CADM2: variants seen among roughly 807,000 people sequenced by gnomAD.
CADM2 encodes cell adhesion molecule 2.
In CADM2, 12 loss-of-function variants were observed where a neutral mutation model predicts 49.8. That is an observed-to-expected ratio of 0.24 (90% CI 0.15 to 0.39). The LOEUF (loss-of-function observed/expected upper bound fraction) is 0.39, where lower values mean the gene tolerates loss of function less well. CADM2 is among the 10% of genes least tolerant of loss of function. CADM2 has a pLI of 1.00. For missense variants in CADM2, 378 were observed against 492.3 expected, an observed-to-expected ratio of 0.77 and a Z score of 2.20; for synonymous variants, 214 against 175.4, an observed-to-expected ratio of 1.22 and a Z score of -1.74.
intron 1 of CADM2, among the ~76,000 whole-genome samples, chr3:85,681,086 T>C (rs2066028349): frequency 6.6e-6 from 1 of 152,146 alleles, no homozygotes; most frequent in African/African-American, 2.4e-5. Context: ...ACAACTCCTG[T>C]AAATAAATAC....
At chr3:85,397,284 G>A (rs906920037) in intron 1 of CADM2, among the ~76,000 whole-genome samples, 1 of 152,142 alleles carries the variant, frequency 6.6e-6, no homozygotes, top group African/African-American at 2.4e-5. Context: ...ATGAGGACAA[G>A]TTGAAATCTG....
chr3:86,033,045 T>C (rs1271148724), intron 8 of CADM2, among the ~76,000 whole-genome samples: 1 of 151,828 alleles, frequency 6.6e-6, no homozygotes, highest in Non-Finnish European at 1.5e-5. Flanking sequence ...AAATTTCCTC[T>C]TTTGGCTCCT....
intron 1 of CADM2, among the ~76,000 whole-genome samples, chr3:85,543,257 A>T (rs1434182192): frequency 1.2e-4 from 5 of 40,866 alleles, no homozygotes; most frequent in South Asian, 7.9e-4. Flanking sequence ...TTTATTTTTT[A>T]TTTTTATTTT....
At chr3:85,998,633 A>G (rs1234808875) in intron 8 of CADM2, among the ~76,000 whole-genome samples, 2 of 152,140 alleles carry the variant, frequency 1.3e-5, no homozygotes, top group South Asian at 2.1e-4. Context: ...ATAGTAGGTC[A>G]CACTCAAAAG....
intron 1 of CADM2, among the ~76,000 whole-genome samples, chr3:84,970,198 A>T (rs1221236041): frequency 2.6e-5 from 4 of 151,288 alleles, no homozygotes; most frequent in Admixed American, 6.6e-5. Flanking sequence ...TCTAAATGTT[A>T]GTCTATTTGT....
chr3:85,883,189 G>A (rs1713065327), intron 3 of CADM2, 102 bp from the exon 4 acceptor site: 3 of 843,162 alleles, frequency 3.6e-6, no homozygotes, highest in Middle Eastern at 3.6e-4. Flanking sequence ...TGAATGTATG[G>A]CCAAAGAAAA....
intron 7 of CADM2, among the ~76,000 whole-genome samples, chr3:85,960,576 G>T (rs1016285266): frequency 1.3e-5 from 2 of 151,880 alleles, no homozygotes; most frequent in African/African-American, 4.8e-5. Context: ...GTTCTTTTGA[G>T]AATTACAGAA....
At chr3:85,735,718 G>T (rs1294690863) in intron 2 of CADM2, among the ~76,000 whole-genome samples, 1 of 152,096 alleles carries the variant, frequency 6.6e-6, no homozygotes, top group African/African-American at 2.4e-5. Context: ...ACATGATATA[G>T]AGAATGGAGT....
At chr3:85,732,658 T>C (rs1235234522) in intron 2 of CADM2, among the ~76,000 whole-genome samples, 1 of 152,218 alleles carries the variant, frequency 6.6e-6, no homozygotes, top group African/African-American at 2.4e-5. Context: ...ATGATAATTA[T>C]AACAGCTAAT....
At chr3:85,429,506 G>A (rs1357451545) in intron 1 of CADM2, among the ~76,000 whole-genome samples, 1 of 151,978 alleles carries the variant, frequency 6.6e-6, no homozygotes, top group Non-Finnish European at 1.5e-5. Context: ...GATAAGCCAT[G>A]TTAACTTTTT....
At chr3:85,321,888 G>T (rs561488420) in intron 1 of CADM2, among the ~76,000 whole-genome samples, 1 of 152,138 alleles carries the variant, frequency 6.6e-6, no homozygotes, top group Non-Finnish European at 1.5e-5. Flanking sequence ...ATATTTTTAT[G>T]TTTATAGTAT....
Position 85,327,596 on chromosome 3 carries a change from C to T in CADM2, c.61+367928C>T, listed in dbSNP as rs1158254488. On this transcript the variant is annotated intron_variant, in intron 1 of 9. Transcript: ENST00000383699. The stretch of plus-strand genomic sequence containing the variant: ...CACACACACACACACACACCACACA[C>T]ACACACACATAAACTATATGTGTAT... 3.4e-5 allele frequency among the ~76,000 whole-genome samples: 5 copies of T among 145,556 alleles called. No homozygotes were observed. In the East Asian group the frequency reaches 1.0e-3, roughly 29 times the overall value.
chr3:85,837,006 A>C (rs1327091282), intron 3 of CADM2, among the ~76,000 whole-genome samples: 3 of 151,612 alleles, frequency 2.0e-5, no homozygotes, highest in African/African-American at 7.3e-5. Context: ...GTAGTTGTAA[A>C]AATGAAGATC....
intron 1 of CADM2, among the ~76,000 whole-genome samples, chr3:85,444,086 A>G (rs980116085): frequency 7.9e-5 from 12 of 152,062 alleles, no homozygotes; most frequent in Non-Finnish European, 1.3e-4. Context: ...CTTTCAACCT[A>G]TTAAGAAATC....
intron 1 of CADM2, among the ~76,000 whole-genome samples, chr3:85,322,610 C>CA (rs1379458880): frequency 6.6e-6 from 1 of 152,068 alleles, no homozygotes; most frequent in Non-Finnish European, 1.5e-5. Flanking sequence ...AATAAATATG[C>CA]AAAACCAATG....
chr3:85,753,973 C>T (rs1483225538), intron 2 of CADM2, among the ~76,000 whole-genome samples: 2 of 152,048 alleles, frequency 1.3e-5, no homozygotes, highest in Non-Finnish European at 2.9e-5. Context: ...TATAGGTTGG[C>T]GTTCTTGCAG....
chr3:86,031,792 G>A lies in CADM2; in HGVS notation c.971-33813G>A, dbSNP rs144959099. On this transcript the variant is annotated intron_variant, in intron 8 of 9. Coordinates refer to ENST00000383699, the MANE Select transcript of CADM2 (RefSeq NM_001167675.2). The stretch of plus-strand genomic sequence containing the variant: ...CAGTCAGTGAGATAGTCAACAAAGC[G>A]AGAGTTAGAGTATTGGTGTACATGT... Among the ~76,000 whole-genome samples the A allele has an allele frequency of 3.1e-3, 478 of 151,792 alleles. 3 individuals are homozygous for A. The highest frequency in any genetic ancestry group is 0.011 in the African/African-American group (468 of 41,502).
At chr3:85,509,932 G>A (rs1261565507) in intron 1 of CADM2, among the ~76,000 whole-genome samples, 1 of 151,902 alleles carries the variant, frequency 6.6e-6, no homozygotes, top group Non-Finnish European at 1.5e-5. Flanking sequence ...CTCACAGAGT[G>A]CCAATATTCC....
At chr3:85,455,812 G>A (rs913744983) in intron 1 of CADM2, among the ~76,000 whole-genome samples, 1 of 152,092 alleles carries the variant, frequency 6.6e-6, no homozygotes, top group African/African-American at 2.4e-5. Context: ...GATTGGCTTC[G>A]GCATGGGCAT....
Sources: allele counts gnomAD v4.1 joint callset (sites outside exome capture counted in the v4.1 genomes callset), GRCh38; gene constraint gnomAD v4.1.1; transcripts MANE v1.5; gene names NCBI Gene and HGNC (gene_info 2026-07-23, HGNC 2026-07-21).